Variants in NKAIN3 observed in about 807,000 individuals in gnomAD.
NKAIN3 encodes the protein sodium/potassium transporting ATPase interacting 3.
In NKAIN3, 25 loss-of-function variants were observed where a neutral mutation model predicts 30.2. The observed-to-expected ratio is 0.83, with a 90% CI of 0.60 to 1.16. NKAIN3 has a LOEUF of 1.16. Among genes scored for constraint, NKAIN3 ranks in the 50% most tolerant of loss-of-function variants. The pLI, the probability that NKAIN3 is intolerant of heterozygous loss-of-function variation, is 0.00. For synonymous variants in NKAIN3, 91 were observed against 89.6 expected (o/e 1.02, Z -0.09); for missense variants, 225 against 254.1 (o/e 0.89, Z 0.78).
In NKAIN3 at chr8:62,259,364, G is replaced by A. The variant is rs149083813; in HGVS notation, c.54+10237G>A. The stretch of plus-strand genomic sequence containing the variant: ...GAGGTCAATTTTAGGAAGACTATTT[G>A]GCAAATACTTGATAAGGTTATATTT... On this transcript the variant is annotated intron_variant, in intron 1 of 6. Transcript: ENST00000623646. 2.9e-3 allele frequency among the ~76,000 whole-genome samples: 448 copies of A among 152,140 alleles called. 1 individual carries two copies. The highest frequency in any genetic ancestry group is 0.01 in the African/African-American group (427 of 41,498).
chr8:62,324,210 G>A (rs892269681), intron 1 of NKAIN3, among the ~76,000 whole-genome samples: 2 of 152,000 alleles, frequency 1.3e-5, no homozygotes, highest in African/African-American at 4.8e-5. Flanking sequence ...ATCCAGGGGA[G>A]GTGAAGGGAG....
intron 1 of NKAIN3, among the ~76,000 whole-genome samples, chr8:62,288,075 C>T (rs1014719658): frequency 1.3e-5 from 2 of 152,102 alleles, no homozygotes; most frequent in African/African-American, 2.4e-5. Flanking sequence ...ACCTCCTAAC[C>T]CTCCGAGTAA....
intron 4 of NKAIN3, among the ~76,000 whole-genome samples, 166 bp downstream of exon 4, chr8:62,747,295 C>A (rs901019713): frequency 2.6e-5 from 4 of 152,094 alleles, no homozygotes; most frequent in African/African-American, 9.7e-5. Context: ...CAGGTTACAC[C>A]TTTTTTCTCT....
At chr8:62,259,954 A>C (rs1222634047) in intron 1 of NKAIN3, among the ~76,000 whole-genome samples, 1 of 152,156 alleles carries the variant, frequency 6.6e-6, no homozygotes, top group African/African-American at 2.4e-5. Flanking sequence ...CTTATTGTTA[A>C]GGGAAGCAAG....
intron 4 of NKAIN3, among the ~76,000 whole-genome samples, chr8:62,911,109 T>C (rs1207533675): frequency 6.6e-6 from 1 of 152,288 alleles, no homozygotes; most frequent in East Asian, 1.9e-4. Context: ...AAAATAATAA[T>C]TCGCTTTAAG....
chr8:62,537,489 T>C (rs1342678909), intron 1 of NKAIN3, among the ~76,000 whole-genome samples: 1 of 152,150 alleles, frequency 6.6e-6, no homozygotes, highest in African/African-American at 2.4e-5. Context: ...CCAGAAAGTT[T>C]TAAAGGTTTC....
intron 4 of NKAIN3, among the ~76,000 whole-genome samples, chr8:62,804,160 T>G (rs1262328390): frequency 6.6e-6 from 1 of 152,202 alleles, no homozygotes; most frequent in African/African-American, 2.4e-5. Flanking sequence ...CCAGATGGAT[T>G]CACAGCAGAA....
chr8:62,443,526 G>T (rs1267285125), intron 1 of NKAIN3, among the ~76,000 whole-genome samples: 3 of 151,862 alleles, frequency 2.0e-5, no homozygotes, highest in Admixed American at 6.6e-5. Context: ...TGGGACTAGA[G>T]GTGCGAGCCA....
At chr8:62,863,929 G>A in intron 4 of NKAIN3, 1 of 1,125,058 alleles carries the variant, frequency 8.9e-7, no homozygotes, top group Non-Finnish European at 1.4e-6. Flanking sequence ...CTCTGGTGGT[G>A]TGGGGTCTGC....
intron 1 of NKAIN3, among the ~76,000 whole-genome samples, chr8:62,309,691 G>A (rs752173605): frequency 6.7e-6 from 1 of 150,228 alleles, no homozygotes; most frequent in Non-Finnish European, 1.5e-5. Flanking sequence ...GTTGAATCTT[G>A]ACAAGTATGA....
chr8:62,910,880 G>A (rs926219018), intron 4 of NKAIN3, among the ~76,000 whole-genome samples: 9 of 151,930 alleles, frequency 5.9e-5, no homozygotes, highest in African/African-American at 9.7e-5. Flanking sequence ...CTCAAGAGAC[G>A]TTCTCATCAA....
At chr8:62,684,062 G>A (rs1015529196) in intron 3 of NKAIN3, among the ~76,000 whole-genome samples, 2 of 152,110 alleles carry the variant, frequency 1.3e-5, no homozygotes, top group African/African-American at 4.8e-5. Flanking sequence ...AATACAGACT[G>A]CAGCCAACAA....
At chr8:62,890,454 G>A (rs1307283795) in intron 4 of NKAIN3, among the ~76,000 whole-genome samples, 1 of 152,174 alleles carries the variant, frequency 6.6e-6, no homozygotes. Flanking sequence ...GTTCAGGCCA[G>A]TTCTTCCTTT....
At chr8:62,263,447 C>A (rs1490828667) in intron 1 of NKAIN3, among the ~76,000 whole-genome samples, 1 of 152,112 alleles carries the variant, frequency 6.6e-6, no homozygotes, top group Non-Finnish European at 1.5e-5. Flanking sequence ...CAGTGGAGAA[C>A]TGTTATCCTA....
chr8:62,367,397 C>A (rs1816768549), intron 1 of NKAIN3, among the ~76,000 whole-genome samples: 1 of 152,094 alleles, frequency 6.6e-6, no homozygotes. Flanking sequence ...TATTTTGGGG[C>A]TGCAAGGATG....
At chr8:62,562,391 A>T (rs1809615399) in intron 1 of NKAIN3, among the ~76,000 whole-genome samples, 1 of 152,180 alleles carries the variant, frequency 6.6e-6, no homozygotes, top group South Asian at 2.1e-4. Context: ...GCTTTTCATT[A>T]ATGATAAATG....
intron 4 of NKAIN3, among the ~76,000 whole-genome samples, chr8:62,914,917 A>G (rs1017109837): frequency 2.0e-5 from 3 of 151,796 alleles, no homozygotes; most frequent in Non-Finnish European, 4.4e-5. Context: ...TAAGCCCCAC[A>G]TGCATTAGGT....
chr8:62,689,426 G>T (rs1813893546), intron 3 of NKAIN3, among the ~76,000 whole-genome samples: 1 of 152,090 alleles, frequency 6.6e-6, no homozygotes, highest in Non-Finnish European at 1.5e-5. Flanking sequence ...GTTTTAAGAA[G>T]AATTTGCACT....
chr8:62,749,676 TTTC>T (rs1816206852), intron 4 of NKAIN3, among the ~76,000 whole-genome samples: 1 of 110,386 alleles, frequency 9.1e-6, no homozygotes, highest in Non-Finnish European at 1.8e-5. Context: ...GCTTTTTTCT[TTTC>T]TTTTTTTTTT....
Sources: gnomAD v4.1 joint callset for allele counts (sites outside exome capture counted in the v4.1 genomes callset) on GRCh38, gnomAD v4.1.1 for gene constraint, MANE v1.5 for transcripts, NCBI Gene and HGNC (gene_info 2026-07-23, HGNC 2026-07-21) for gene names.